CHLSN: variants seen among roughly 807,000 people sequenced by gnomAD.
CHLSN encodes cholesin.
the CHLSN span, among the ~76,000 whole-genome samples, chr7:1,118,487 T>C: frequency 6.6e-6 from 1 of 152,126 alleles, no homozygotes; most frequent in East Asian, 1.9e-4. Flanking sequence ...GACTCAAAAG[T>C]ATCAAGAATC....
At chr7:1,130,071 C>T in the CHLSN span, among the ~76,000 whole-genome samples, 3 of 152,168 alleles carry the variant, frequency 2.0e-5, no homozygotes, top group East Asian at 1.9e-4. Context: ...CAAGGACCAC[C>T]GTGAGTCTGG....
At chr7:1,004,991 G>C in the CHLSN span, among the ~76,000 whole-genome samples, 1 of 152,102 alleles carries the variant, frequency 6.6e-6, no homozygotes, top group Non-Finnish European at 1.5e-5. Context: ...TAGCCTACTG[G>C]GCTTTAAAAA....
At chr7:1,135,337 G>A in the CHLSN span, among the ~76,000 whole-genome samples, 106,170 of 151,834 alleles carry the variant, frequency 0.7, 38,513 homozygotes, top group African/African-American at 0.89. Flanking sequence ...AGCTATAGTT[G>A]TATGTATATA....
the CHLSN span, among the ~76,000 whole-genome samples, chr7:1,023,289 G>A: frequency 2.0e-5 from 3 of 152,188 alleles, no homozygotes; most frequent in African/African-American, 4.8e-5. This position sits in a 1 kb window ranked among gnomAD's most constrained non-coding sequence, Gnocchi z 5.0. Context: ...AGATGGCACG[G>A]GGAGCGCCCA....
the CHLSN span, among the ~76,000 whole-genome samples, chr7:1,046,105 C>T: frequency 6.6e-6 from 1 of 152,246 alleles, no homozygotes; most frequent in Admixed American, 6.5e-5. Flanking sequence ...CAATGGCATA[C>T]TGCACAGATC....
the CHLSN span, chr7:1,024,375 A>C: frequency 6.6e-6 from 1 of 152,210 alleles, no homozygotes; most frequent in Non-Finnish European, 1.5e-5. Context: ...TCAGCTGCAC[A>C]CACCAACGAT....
the CHLSN span, among the ~76,000 whole-genome samples, chr7:1,011,045 T>TAC: frequency 3.6e-5 from 5 of 139,834 alleles, no homozygotes; most frequent in Non-Finnish European, 7.7e-5. Flanking sequence ...CCCCCCTACA[T>TAC]ACAGATATAT....
chr7:1,095,822 C>G, the CHLSN span, among the ~76,000 whole-genome samples: 1 of 152,404 alleles, frequency 6.6e-6, no homozygotes, highest in South Asian at 2.1e-4. Flanking sequence ...CCCCTGGCGT[C>G]TAACTGGCAA....
At chr7:1,052,805 G>C in the CHLSN span, among the ~76,000 whole-genome samples, 1 of 152,136 alleles carries the variant, frequency 6.6e-6, no homozygotes, top group African/African-American at 2.4e-5. The surrounding 1 kb of genome is among the most constrained non-coding windows in gnomAD (Gnocchi z 4.2). Flanking sequence ...TGGCCCAAGA[G>C]GGACCTGCAG....
the CHLSN span, among the ~76,000 whole-genome samples, chr7:1,111,676 C>T: frequency 6.6e-6 from 1 of 152,174 alleles, no homozygotes; most frequent in Admixed American, 6.5e-5. Context: ...GATACATAAA[C>T]CTGTGGTCCC....
chr7:1,101,252 C>G, the CHLSN span, among the ~76,000 whole-genome samples: 1 of 152,240 alleles, frequency 6.6e-6, no homozygotes, highest in African/African-American at 2.4e-5. Flanking sequence ...GAGGATGGAG[C>G]CTGGGAACAA....
chr7:1,061,250 C>A, the CHLSN span, among the ~76,000 whole-genome samples: 1 of 152,162 alleles, frequency 6.6e-6, no homozygotes, highest in Non-Finnish European at 1.5e-5. Context: ...TCATCCCACC[C>A]TGCTGGGTGG....
the CHLSN span, among the ~76,000 whole-genome samples, chr7:1,069,133 G>A: frequency 6.6e-6 from 1 of 152,182 alleles, no homozygotes; most frequent in South Asian, 2.1e-4. Context: ...TGGAGTTCGA[G>A]ACCAGCTTTA....
chr7:1,102,226 C>A, the CHLSN span, among the ~76,000 whole-genome samples: 1 of 152,246 alleles, frequency 6.6e-6, no homozygotes, highest in East Asian at 1.9e-4. Context: ...CAAAGCCAAC[C>A]GCATTATTCA....
chr7:1,016,225 GC>G, the CHLSN span, among the ~76,000 whole-genome samples: 1 of 31,396 alleles, frequency 3.2e-5, no homozygotes, highest in Non-Finnish European at 5.1e-5. Context: ...AGCAGCACAC[GC>G]CAGCACACAG....
chr7:1,108,441 G>C, the CHLSN span, among the ~76,000 whole-genome samples: 7 of 152,188 alleles, frequency 4.6e-5, no homozygotes, highest in East Asian at 1.3e-3. Context: ...CGGGCCCTGT[G>C]GGCAGCTTTG....
chr7:1,106,567 C>T, the CHLSN span, among the ~76,000 whole-genome samples: 5 of 152,174 alleles, frequency 3.3e-5, no homozygotes, highest in African/African-American at 9.7e-5. Context: ...AGGAGGAGCC[C>T]GGCCCACATG....
At chr7:1,081,505 G>T in the CHLSN span, among the ~76,000 whole-genome samples, 2 of 152,248 alleles carry the variant, frequency 1.3e-5, no homozygotes, top group Non-Finnish European at 2.9e-5. Flanking sequence ...GTGGCGGCAA[G>T]GGGGCAGCCT....
At chr7:1,104,406 C>G in the CHLSN span, among the ~76,000 whole-genome samples, 1 of 152,226 alleles carries the variant, frequency 6.6e-6, no homozygotes, top group Non-Finnish European at 1.5e-5. Context: ...AGACCCATCT[C>G]TAATGCATTC....
Sources: allele counts gnomAD v4.1 joint callset (sites outside exome capture counted in the v4.1 genomes callset), GRCh38; gene constraint gnomAD v4.1.1; non-coding constraint Gnocchi (gnomAD v3.1); transcripts MANE v1.5; gene names NCBI Gene and HGNC (gene_info 2026-07-23, HGNC 2026-07-21).